Variants in MYL12B observed in about 807,000 individuals in gnomAD.
MYL12B encodes the protein myosin regulatory light chain 12B.
Under a neutral mutation model 12.9 loss-of-function variants are expected in MYL12B, and 3 were observed. That is an observed-to-expected ratio of 0.23 (90% CI 0.11 to 0.60). The LOEUF is 0.60. MYL12B is among the 20% of genes least tolerant of loss of function. The probability of loss-of-function intolerance (pLI) is 0.89; values close to 1 mark genes in which losing one functional copy is unlikely to be tolerated. For synonymous variants in MYL12B, 57 were observed against 71.9 expected (o/e 0.79, Z 1.05); for missense variants, 120 against 215.4 (o/e 0.56, Z 2.77).
intron 1 of MYL12B, among the ~76,000 whole-genome samples, chr18:3,265,131 T>C (rs2081626079): frequency 6.6e-6 from 1 of 152,118 alleles, no homozygotes; most frequent in Admixed American, 6.5e-5. Flanking sequence ...TTAAAAAAAG[T>C]TGAAAAAATT....
At chr18:3,274,828 T>C (rs1000897054) in intron 2 of MYL12B, among the ~76,000 whole-genome samples, 9 of 152,232 alleles carry the variant, frequency 5.9e-5, no homozygotes, top group African/African-American at 1.9e-4. Flanking sequence ...CATATGTATT[T>C]ACCTTTTAGG....
Position 3,277,288 on chromosome 18 carries a change from A to G in MYL12B, c.220A>G (p.Met74Val). The G allele has an allele frequency of 6.2e-7, 1 of 1,613,162 alleles. No individual in the cohort carries two copies. The highest frequency in any genetic ancestry group is 8.5e-7 in the Non-Finnish European group (1 of 1,179,614). ...NPTDAYLDAM[M>V]NEAPGPINFT... ...CACTGATGCATACCTTGATGCCATG[A>G]TGAATGAGGCCCCAGGGCCCATCAA... Residue 74 changes from methionine (M) to valine (V), a missense_variant, in exon 3 of 4, where the codon ATG becomes GTG. Physicochemically the swap from Met to Val is conservative, Grantham distance 21. Coordinates refer to ENST00000237500, the MANE Select transcript of MYL12B (RefSeq NM_033546.4).
intron 3 of MYL12B, 55 bp from the exon 4 acceptor site, chr18:3,277,710 C>T: frequency 6.4e-7 from 1 of 1,553,168 alleles, no homozygotes; most frequent in Non-Finnish European, 8.7e-7. Flanking sequence ...AGGAATGAAC[C>T]ATCAAAGTGC....
chr18:3,264,536 T>G (rs1387717619), intron 1 of MYL12B, among the ~76,000 whole-genome samples: 2 of 152,160 alleles, frequency 1.3e-5, no homozygotes, highest in Non-Finnish European at 2.9e-5. Context: ...AGACCCTGTC[T>G]CTACCCTGCC....
intron 1 of MYL12B, chr18:3,271,938 C>T: frequency 2.6e-6 from 1 of 379,492 alleles, no homozygotes; most frequent in Non-Finnish European, 3.6e-6. Flanking sequence ...GGCACGGTGG[C>T]TCATGTCTGT....
intron 2 of MYL12B, among the ~76,000 whole-genome samples, chr18:3,275,356 A>G (rs1052579006): frequency 4.6e-5 from 7 of 152,174 alleles, no homozygotes; most frequent in African/African-American, 1.7e-4. Context: ...AATAGATACA[A>G]AAGTATAGAT....
chr18:3,263,302 T>G (rs2081609663), intron 1 of MYL12B, among the ~76,000 whole-genome samples: 1 of 152,206 alleles, frequency 6.6e-6, no homozygotes, highest in Non-Finnish European at 1.5e-5. Flanking sequence ...TTTGGAATGG[T>G]CTTTTGGTAA....
intron 2 of MYL12B, chr18:3,276,919 C>A (rs1403884757): frequency 6.6e-6 from 5 of 756,492 alleles, no homozygotes; most frequent in East Asian, 1.4e-4. Flanking sequence ...GCCTATAGTC[C>A]AAAAAAAAAA....
Position 3,278,223 on chromosome 18 carries a change from A to G in MYL12B, c.*286A>G, listed in dbSNP as rs2081750241. ...ATTTCTGGTTTTGCTGGATTTTTAC[A>G]TTTTTATATAATAAAAATGTTATTT... On this transcript the variant is annotated 3_prime_UTR_variant, in exon 4 of 4. Transcript: ENST00000237500. 1 of 250,208 alleles carries G rather than the reference A, an allele frequency of 4.0e-6. No homozygotes were observed. The highest frequency in any genetic ancestry group is 7.6e-6 in the Non-Finnish European group (1 of 131,932). 15.5% of individuals were successfully genotyped at this position (250,208 alleles called of 1,614,324 possible). A position where few individuals can be genotyped will look rare whatever the true frequency, so the allele number is the denominator to read the frequency against.
chr18:3,268,610 T>G (rs2081652888), intron 1 of MYL12B, among the ~76,000 whole-genome samples: 1 of 151,984 alleles, frequency 6.6e-6, no homozygotes, highest in Non-Finnish European at 1.5e-5. Flanking sequence ...TGACTTGATT[T>G]GAAAACTCAG....
chr18:3,265,658 A>G (rs573536045), intron 1 of MYL12B, among the ~76,000 whole-genome samples: 11 of 152,176 alleles, frequency 7.2e-5, no homozygotes, highest in South Asian at 2.1e-4. Context: ...CCCCTCCCCA[A>G]TTACCTCATT....
chr18:3,277,199 A>T (rs2081739773), intron 2 of MYL12B, 54 bp from the exon 3 acceptor site: 3 of 1,441,060 alleles, frequency 2.1e-6, no homozygotes, highest in South Asian at 2.9e-5. Flanking sequence ...TAGTGAAATA[A>T]CTATTGAAAT....
chr18:3,264,981 G>A lies in MYL12B; in HGVS notation c.-16+2744G>A, dbSNP rs544256292. ...CACTGCAGTAAAACAAAATGATATA[G>A]GAGCTCAGAGAATAGAAAGTTTGCA... On this transcript the variant is annotated intron_variant, in intron 1 of 3. Coordinates refer to ENST00000237500, the MANE Select transcript of MYL12B (RefSeq NM_033546.4). Among the ~76,000 whole-genome samples, 130 of 152,176 alleles carry A rather than the reference G, an allele frequency of 8.5e-4. 3 individuals carry two copies. The South Asian group carries it at 0.027, about 31-fold the overall frequency.
intron 1 of MYL12B, among the ~76,000 whole-genome samples, chr18:3,265,698 T>TTCAG (rs548942253): frequency 3.5e-4 from 53 of 152,188 alleles, no homozygotes; most frequent in Non-Finnish European, 6.2e-4. Flanking sequence ...CTACCAGGTT[T>TTCAG]TCAGTCAGCA....
chr18:3,273,546 C>CTAAA (rs10667897), intron 2 of MYL12B, among the ~76,000 whole-genome samples: 145,718 of 152,098 alleles, frequency 0.96, 69,857 homozygotes, highest in Non-Finnish European at 0.98. Flanking sequence ...TTTTTAATAA[C>CTAAA]TAAAATGTAA....
At chr18:3,275,348 TAGATACAAAAGTATA>T (rs2081720461) in intron 2 of MYL12B, among the ~76,000 whole-genome samples, 1 of 152,070 alleles carries the variant, frequency 6.6e-6, no homozygotes, top group African/African-American at 2.4e-5. Context: ...GAACTGTTAA[TAGATACAAAAGTATA>T]GATAGAATGA....
At chr18:3,267,778 G>A (rs2081645399) in intron 1 of MYL12B, among the ~76,000 whole-genome samples, 1 of 152,140 alleles carries the variant, frequency 6.6e-6, no homozygotes, top group South Asian at 2.1e-4. Context: ...AAAAAACAGT[G>A]TATATAGTCA....
At chr18:3,264,195 C>G (rs576251017) in intron 1 of MYL12B, among the ~76,000 whole-genome samples, 23 of 152,216 alleles carry the variant, frequency 1.5e-4, no homozygotes, top group African/African-American at 5.3e-4. Context: ...GAATTCAGAT[C>G]CGGGACCTAC....
At chr18:3,271,076 C>A (rs940587021) in intron 1 of MYL12B, among the ~76,000 whole-genome samples, 3 of 152,126 alleles carry the variant, frequency 2.0e-5, no homozygotes, top group African/African-American at 4.8e-5. Flanking sequence ...ATAATTTTTG[C>A]CTTCAGATGT....
Sources: allele counts gnomAD v4.1 joint callset (sites outside exome capture counted in the v4.1 genomes callset), GRCh38; gene constraint gnomAD v4.1.1; transcripts MANE v1.5; gene names NCBI Gene and HGNC (gene_info 2026-07-23, HGNC 2026-07-21).